Variants in RALGPS2 observed in about 807,000 individuals in gnomAD.
The protein encoded by RALGPS2 is Ral GEF with PH domain and SH3 binding motif 2.
Under a neutral mutation model 86.8 loss-of-function variants are expected in RALGPS2, and 43 were observed. The ratio of observed to expected loss-of-function variants is 0.50; its 90% CI spans 0.39 to 0.64. The LOEUF (loss-of-function observed/expected upper bound fraction) is 0.64, where lower values mean the gene tolerates loss of function less well. RALGPS2 is among the 30% of genes least tolerant of loss of function. The pLI, the probability that RALGPS2 is intolerant of heterozygous loss-of-function variation, is 0.00. For synonymous variants in RALGPS2, 243 were observed against 231.3 expected, an observed-to-expected ratio of 1.05 and a Z score of -0.46; for missense variants, 536 against 694.6, an observed-to-expected ratio of 0.77 and a Z score of 2.57.
chr1:178,864,955 T>C (rs1040829352), intron 8 of RALGPS2: 5 of 1,449,796 alleles, frequency 3.4e-6, no homozygotes, highest in Non-Finnish European at 4.5e-6. Flanking sequence ...GTAACTCACC[T>C]TCATTGATGA....
Position 178,864,321 on chromosome 1 carries a change from A to G in RALGPS2, c.608-13177A>G, listed in dbSNP as rs115151251. 6.9e-3 allele frequency among the ~76,000 whole-genome samples: 1,056 copies of G among 152,258 alleles called. 9 individuals carry two copies. Among genetic ancestry groups the G allele is most frequent in the African/African-American group, 0.024 (977 of 41,560 alleles). ...AACATTTATATTTCTTAGGATACAC[A>G]GTACTAATTGTTTAGCCTTGGAAAA... On this transcript the variant is annotated intron_variant, in intron 8 of 19. Coordinates refer to ENST00000367635, the MANE Select transcript of RALGPS2 (RefSeq NM_152663.5).
chr1:178,790,073 C>G (rs970579233), intron 4 of RALGPS2, among the ~76,000 whole-genome samples: 2 of 152,112 alleles, frequency 1.3e-5, no homozygotes, highest in African/African-American at 4.8e-5. Flanking sequence ...CTCAGCCTCC[C>G]AAGTAGCTGG....
chr1:178,909,366 G>C (rs572441331), intron 19 of RALGPS2, among the ~76,000 whole-genome samples: 1 of 152,214 alleles, frequency 6.6e-6, no homozygotes, highest in South Asian at 2.1e-4. Context: ...CTTCAGCTTT[G>C]TTCTTTTTAC....
intron 16 of RALGPS2, among the ~76,000 whole-genome samples, chr1:178,895,685 T>G (rs1213598626): frequency 6.6e-6 from 1 of 151,896 alleles, no homozygotes; most frequent in African/African-American, 2.4e-5. Context: ...GATGATAAAT[T>G]AAACATGATG....
At position 178,920,455 on chromosome 1, in the gene RALGPS2, G is replaced by C. The variant is rs1421230077; in HGVS notation, c.*4096G>C. 6.6e-6 allele frequency: 1 copy of C among 151,964 alleles called. No homozygotes were observed. The highest frequency in any genetic ancestry group is 1.5e-5 in the Non-Finnish European group (1 of 67,886). 9.4% of individuals were successfully genotyped at this position (151,964 alleles called of 1,614,324 possible). A position where few individuals can be genotyped will look rare whatever the true frequency, so the allele number is the denominator to read the frequency against. On this transcript the variant is annotated 3_prime_UTR_variant, in exon 20 of 20. Transcript: ENST00000367635. ...CTCTTGCTCCTCTTATTTCAGGAGT[G>C]TGTGCTATCCCTCTCTCCACCAGCT...
At chr1:178,786,356 T>G (rs1448769850) in intron 4 of RALGPS2, among the ~76,000 whole-genome samples, 1 of 152,076 alleles carries the variant, frequency 6.6e-6, no homozygotes, top group Non-Finnish European at 1.5e-5. Flanking sequence ...CACCACTAAC[T>G]CTAGTAATCT....
intron 19 of RALGPS2, among the ~76,000 whole-genome samples, chr1:178,911,850 G>A (rs1572477581): frequency 6.6e-6 from 1 of 152,114 alleles, no homozygotes; most frequent in African/African-American, 2.4e-5. Context: ...AAGTCTCTTT[G>A]TAGGTCTCTA....
intron 10 of RALGPS2, among the ~76,000 whole-genome samples, chr1:178,883,095 A>G (rs1659329922): frequency 6.6e-6 from 1 of 152,200 alleles, no homozygotes; most frequent in Admixed American, 6.5e-5. Flanking sequence ...GTGTTTTTAA[A>G]TACAACTTTT....
chr1:178,751,678 G>A (rs1463726960), intron 1 of RALGPS2, among the ~76,000 whole-genome samples: 1 of 152,100 alleles, frequency 6.6e-6, no homozygotes, highest in Non-Finnish European at 1.5e-5. Flanking sequence ...GTCATTGGGT[G>A]GCCTCCGGAA....
intron 4 of RALGPS2, among the ~76,000 whole-genome samples, chr1:178,796,833 A>T (rs892399650): frequency 3.3e-5 from 5 of 152,194 alleles, no homozygotes; most frequent in Non-Finnish European, 5.9e-5. Context: ...GCAAGTGAAA[A>T]TTGGGCTTAG....
At chr1:178,887,312 G>T (rs946738763) in intron 13 of RALGPS2, among the ~76,000 whole-genome samples, 2 of 152,110 alleles carry the variant, frequency 1.3e-5, no homozygotes, top group Non-Finnish European at 2.9e-5. Flanking sequence ...AAGTAGCAGG[G>T]CGTGGTGGTG....
chr1:178,863,644 A>G (rs1014925324), intron 8 of RALGPS2, among the ~76,000 whole-genome samples: 1 of 152,204 alleles, frequency 6.6e-6, no homozygotes, highest in Admixed American at 6.5e-5. Context: ...TGGTTAAATC[A>G]GGAGGGAGAG....
intron 10 of RALGPS2, among the ~76,000 whole-genome samples, chr1:178,880,900 A>T (rs1306164863): frequency 1.3e-5 from 2 of 152,206 alleles, no homozygotes; most frequent in African/African-American, 4.8e-5. Flanking sequence ...GGTAGTTCTG[A>T]CATTCTGTAA....
At chr1:178,835,366 G>A (rs982028272) in intron 8 of RALGPS2, among the ~76,000 whole-genome samples, 1 of 151,292 alleles carries the variant, frequency 6.6e-6, no homozygotes, top group Non-Finnish European at 1.5e-5. Flanking sequence ...GGCTGGATGG[G>A]AGCATTGTGA....
At chr1:178,892,330 G>A (rs1211720070) in intron 15 of RALGPS2, 23 bp downstream of exon 15, 2 of 1,602,932 alleles carry the variant, frequency 1.2e-6, no homozygotes, top group East Asian at 4.5e-5. Context: ...TGCATTCAGG[G>A]GTCACAGAAC....
At chr1:178,865,971 G>A (rs1379278931) in intron 8 of RALGPS2, among the ~76,000 whole-genome samples, 1 of 152,152 alleles carries the variant, frequency 6.6e-6, no homozygotes, top group Non-Finnish European at 1.5e-5. Context: ...ATATTAAGTT[G>A]TAATACTTTG....
rs561570004 is a variant in RALGPS2 at position 178,859,271 on chromosome 1, CAATT to C, written c.608-18225_608-18222del. Among the ~76,000 whole-genome samples the C allele has an allele frequency of 1.3e-3, 192 of 151,818 alleles. 2 individuals are homozygous for C. Among genetic ancestry groups the C allele is most frequent in the African/African-American group, 4.3e-3 (176 of 41,386 alleles). On this transcript the variant is annotated intron_variant, in intron 8 of 19. Coordinates refer to ENST00000367635, the MANE Select transcript of RALGPS2 (RefSeq NM_152663.5). ...GTTAGTATAAGTATTCCATTGAAAC[CAATT>C]ATACCTAAAAAGTATATTAAGAAGC...
At chr1:178,726,681 A>G (rs1013883743) in intron 1 of RALGPS2, among the ~76,000 whole-genome samples, 2 of 152,074 alleles carry the variant, frequency 1.3e-5, no homozygotes, top group Non-Finnish European at 2.9e-5. Flanking sequence ...TTTAGTTGCT[A>G]TAGAGAGCCT....
chr1:178,739,091 CT>C (rs558523695), intron 1 of RALGPS2, among the ~76,000 whole-genome samples: 3 of 151,680 alleles, frequency 2.0e-5, no homozygotes, highest in East Asian at 1.9e-4. Context: ...TAAGTTTTTT[CT>C]TTTTTTTGCA....
Sources: allele counts gnomAD v4.1 joint callset (sites outside exome capture counted in the v4.1 genomes callset), GRCh38; gene constraint gnomAD v4.1.1; transcripts MANE v1.5; gene names NCBI Gene and HGNC (gene_info 2026-07-23, HGNC 2026-07-21).